Variants in MATK observed in about 807,000 individuals in gnomAD.
MATK encodes megakaryocyte-associated tyrosine kinase.
A neutral mutation model predicts 59.8 loss-of-function variants in MATK; 41 were observed. The ratio of observed to expected loss-of-function variants is 0.69; its 90% confidence interval spans 0.53 to 0.89. MATK has a LOEUF of 0.89. Among genes scored for constraint, MATK ranks in the 40% least tolerant of loss-of-function variants. The probability of loss-of-function intolerance (pLI) is 0.00; values close to 1 mark genes in which losing one functional copy is unlikely to be tolerated. For missense variants in MATK, 593 were observed against 719.6 expected, an observed-to-expected ratio of 0.82 and a Z score of 2.01; for synonymous variants, 308 against 306.1, an observed-to-expected ratio of 1.01 and a Z score of -0.06.
At chr19:3,789,721 CTTTTTTTTTTT>C (rs34795629), upstream of MATK, among the ~76,000 whole-genome samples, 1 of 86,510 alleles carries the variant, frequency 1.2e-5, no homozygotes, top group Non-Finnish European at 2.3e-5. Context: ...GGCAACTTTG[CTTTTTTTTTTT>C]TTTTTTTTTT....
chr19:3,797,389 TG>T (rs762152080), intron 1 of MATK, among the ~76,000 whole-genome samples: 6 of 151,508 alleles, frequency 4.0e-5, no homozygotes, highest in Non-Finnish European at 7.4e-5. Flanking sequence ...CTCGACCTCC[TG>T]GGCTCAAGTG....
At chr19:3,785,423 C>A (rs1353283042) in intron 1 of MATK, 137 bp from the exon 2 acceptor site, 1 of 531,778 alleles carries the variant, frequency 1.9e-6, no homozygotes, top group Admixed American at 3.4e-5. Context: ...ACCCGCTGAG[C>A]CTCTCTGATC....
chr19:3,778,175 G>T lies in MATK; in HGVS notation c.*8C>A, dbSNP rs568839886. On this transcript the variant is annotated 3_prime_UTR_variant, in exon 14 of 14. Coordinates refer to ENST00000310132, the MANE Select transcript of MATK (RefSeq NM_139355.3). ...GTCCTCTGGGGCCAAGGGCCCCACCGGGTGGGGTCAGGGCTCCTGGCTTCG... is the reference window on the plus strand; with the variant it reads ...GTCCTCTGGGGCCAAGGGCCCCACCTGGTGGGGTCAGGGCTCCTGGCTTCG... 8 of 1,548,912 alleles carry T rather than the reference G, an allele frequency of 5.2e-6. No individual in the cohort carries two copies. The South Asian group carries it at 8.3e-5, about 16-fold the overall frequency.
At position 3,786,121 on chromosome 19, in the gene MATK, C is replaced by G; in HGVS notation, c.-152+48G>C. On this transcript the variant is annotated intron_variant, in intron 1 of 13. Transcript: ENST00000310132. The surrounding 1 kb of genome is among the most constrained non-coding windows in gnomAD (Gnocchi z 4.1). Reference sequence around the variant, plus strand: ...CGCCTAGAGCCCTCGGGGTTTCCCCCCACCCCGGCCTCGGGGTCTCTCCAC... The same window carrying G: ...CGCCTAGAGCCCTCGGGGTTTCCCCGCACCCCGGCCTCGGGGTCTCTCCAC... The G allele has an allele frequency of 1.2e-6, 1 of 865,318 alleles. No individual in the cohort carries two copies. Among genetic ancestry groups the G allele is most frequent in the South Asian group, 5.2e-5 (1 of 19,054 alleles). The allele number at this position is 865,318 out of a possible 1,614,324, so 53.6% of individuals were successfully genotyped here.
rs2145101812 is a variant in MATK at position 3,785,190 on chromosome 19, G to A, written c.-55C>T. 6 of 1,611,950 alleles carry A rather than the reference G, an allele frequency of 3.7e-6. No homozygotes were observed. The highest frequency in any genetic ancestry group is 3.3e-4 in the Middle Eastern group (2 of 6,052). ...GAGGCACACTGAGCAAGTGGTCACA[G>A]TCGGGGACGCTGGGAATGGCCTGCC... On this transcript the variant is annotated 5_prime_UTR_variant, in exon 2 of 14. Coordinates refer to ENST00000310132, the MANE Select transcript of MATK (RefSeq NM_139355.3).
chr19:3,797,230 TC>T (rs774112234), intron 1 of MATK, among the ~76,000 whole-genome samples: 13 of 82,956 alleles, frequency 1.6e-4, no homozygotes, highest in Admixed American at 1.2e-3. Flanking sequence ...TTGCCTACCT[TC>T]CCCCCCACCC....
chr19:3,790,691 CCCCTGGAATG>C (rs2145110638), upstream of MATK, among the ~76,000 whole-genome samples: 1 of 152,318 alleles, frequency 6.6e-6, no homozygotes, highest in South Asian at 2.1e-4. Context: ...TGTTCCCTCT[CCCCTGGAATG>C]CCCTTCCCCG....
At chr19:3,784,571 A>C (rs1357740204) in intron 3 of MATK, 120 bp from the exon 4 acceptor site, 1 of 713,304 alleles carries the variant, frequency 1.4e-6, no homozygotes, top group African/African-American at 1.8e-5. Flanking sequence ...AAGAGCGGAG[A>C]GGCAGAGAAA....
chr19:3,783,271 G>T, intron 6 of MATK, 52 bp from the exon 7 acceptor site: 1 of 955,590 alleles, frequency 1.0e-6, no homozygotes, highest in Non-Finnish European at 1.5e-6. Context: ...GGGAACCCCA[G>T]CATCCTGTTC....
At chr19:3,799,638 G>A (rs1331033288) in intron 1 of MATK, among the ~76,000 whole-genome samples, 2 of 151,844 alleles carry the variant, frequency 1.3e-5, no homozygotes, top group Non-Finnish European at 2.9e-5. Flanking sequence ...TCAGGAGTTC[G>A]AGACCAGTCT....
Position 3,779,003 on chromosome 19 carries a change from G to A in MATK, c.1186C>T (p.Leu396Phe). The change falls in exon 12 of 14, where the codon CTC becomes TTC. Residue 396 changes from leucine (L) to phenylalanine (F), a missense_variant. Physicochemically the swap from Leu to Phe is conservative, Grantham distance 22. Transcript: ENST00000310132. ...AAGGCAGGGCTCACCCCGTGTTTGA[G>A]AGCCTCGGGCGCCGTCCACTTGACG... ...LPVKWTAPEA[L>F]KHGKFTSKSD... The A allele has an allele frequency of 6.4e-7, 1 of 1,562,856 alleles. No homozygotes were observed. Among genetic ancestry groups the A allele is most frequent in the Non-Finnish European group, 8.6e-7 (1 of 1,157,728 alleles).
intron 7 of MATK, 168 bp downstream of exon 7, chr19:3,782,958 C>A: frequency 3.2e-6 from 2 of 616,120 alleles, no homozygotes; most frequent in Non-Finnish European, 5.8e-6. Flanking sequence ...AAGGACTGAT[C>A]TGTGTCTGTG....
Position 3,783,843 on chromosome 19 carries a change from A to G in MATK, c.553T>C (p.Phe185Leu), listed in dbSNP as rs1205767508. Reference sequence around the variant, plus strand: ...ACCATGTCCATGAGGTTGCAGAAGAACACGGCCTCATCGATTGTGAGGTGG... The same window carrying G: ...ACCATGTCCATGAGGTTGCAGAAGAGCACGGCCTCATCGATTGTGAGGTGG... ...DGHLTIDEAVFFCNLMDMVEH... is the reference protein window; with the variant it reads ...DGHLTIDEAVLFCNLMDMVEH... The change falls in exon 6 of 14, where the codon TTC (phenylalanine) becomes CTC (leucine). Residue 185 changes from phenylalanine to leucine, a missense_variant. Phe to Leu is a conservative substitution (Grantham distance 22). Coordinates refer to ENST00000310132, the MANE Select transcript of MATK (RefSeq NM_139355.3). 1 of 1,612,812 alleles carries G rather than the reference A, an allele frequency of 6.2e-7. No individual in the cohort carries two copies. Among genetic ancestry groups the G allele is most frequent in the Non-Finnish European group, 8.5e-7 (1 of 1,179,690 alleles).
intron 1 of MATK, chr19:3,785,704 A>C (rs549142685): frequency 1.9e-5 from 3 of 156,564 alleles, no homozygotes; most frequent in Non-Finnish European, 4.3e-5. Context: ...ACGTGGAAAC[A>C]GGTGTGCGCA....
At chr19:3,786,765 A>AT (rs1453162348), upstream of MATK, among the ~76,000 whole-genome samples, 1 of 152,158 alleles carries the variant, frequency 6.6e-6, no homozygotes, top group Non-Finnish European at 1.5e-5. The surrounding 1 kb of genome is among the most constrained non-coding windows in gnomAD (Gnocchi z 4.1). Context: ...AAAAGCTTTC[A>AT]AAATGTCAGC....
At chr19:3,791,493 C>G (rs1056123883) in intron 1 of MATK, among the ~76,000 whole-genome samples, 1 of 152,042 alleles carries the variant, frequency 6.6e-6, no homozygotes, top group African/African-American at 2.4e-5. Flanking sequence ...CAGGTGCCCA[C>G]CACCATGCCT....
upstream of MATK, chr19:3,787,569 T>A (rs1340476129): frequency 6.6e-6 from 1 of 152,032 alleles, no homozygotes; most frequent in Non-Finnish European, 1.5e-5. Flanking sequence ...TTTATTTTTT[T>A]GAGATGAAGT....
At chr19:3,780,488 C>T (rs978539592) in intron 8 of MATK, among the ~76,000 whole-genome samples, 4 of 151,728 alleles carry the variant, frequency 2.6e-5, no homozygotes, top group African/African-American at 7.3e-5. Context: ...AGTGCAGTGG[C>T]GCCATCTCTG....
At position 3,779,389 on chromosome 19, in the gene MATK, C is replaced by T; in HGVS notation, c.990G>A (p.Leu330=). The change falls in exon 11 of 14, where the codon CTG becomes CTA. Residue 330 remains leucine (L), a synonymous_variant. Transcript: ENST00000310132. ...AGAGTCCCACTTACAGAGAAAACTG[C>T]AGGAGCTGAGCGGTGTTCACGAGGG... ...GRALVNTAQL[L]QFSLHVAEGM... 6.2e-7 allele frequency: 1 copy of T among 1,613,310 alleles called. No homozygotes were observed. The highest frequency in any genetic ancestry group is 8.5e-7 in the Non-Finnish European group (1 of 1,180,008).
Sources: gnomAD v4.1 joint callset for allele counts (sites outside exome capture counted in the v4.1 genomes callset) on GRCh38, gnomAD v4.1.1 for gene constraint, Gnocchi (gnomAD v3.1) non-coding constraint, MANE v1.5 for transcripts, NCBI Gene and HGNC (gene_info 2026-07-23, HGNC 2026-07-21) for gene names.